Variants in CNTNAP5 observed in about 807,000 individuals in gnomAD.
The protein encoded by CNTNAP5 is contactin-associated protein-like 5.
A neutral mutation model predicts 150.2 loss-of-function variants in CNTNAP5; 72 were observed. The observed-to-expected ratio is 0.48, with a 90% CI of 0.40 to 0.58. The LOEUF (loss-of-function observed/expected upper bound fraction) is 0.58. CNTNAP5 is among the 20% of genes least tolerant of loss of function. The pLI, the probability that CNTNAP5 is intolerant of heterozygous loss-of-function variation, is 0.00. For missense variants in CNTNAP5, 1,636 were observed against 1,626.2 expected, an observed-to-expected ratio of 1.01 and a Z score of -0.10; for synonymous variants, 672 against 619.8, an observed-to-expected ratio of 1.08 and a Z score of -1.25.
Position 124,632,249 on chromosome 2 carries a change from G to A in CNTNAP5, c.1877-15509G>A, listed in dbSNP as rs4848955. ...ATTATTCTATTATAAAGTTACATGCGTGCATATGTTCAATGCAGCACTATT... is the reference window on the plus strand; with the variant it reads ...ATTATTCTATTATAAAGTTACATGCATGCATATGTTCAATGCAGCACTATT... On this transcript the variant is annotated intron_variant, in intron 12 of 23. Transcript: ENST00000682447. Among the ~76,000 whole-genome samples, 110 of 151,704 alleles carry A rather than the reference G, an allele frequency of 7.3e-4. 1 individual carries two copies. The highest frequency in any genetic ancestry group is 2.3e-3 in the African/African-American group (95 of 41,398).
At chr2:124,519,164 G>A (rs755223002) in intron 8 of CNTNAP5, among the ~76,000 whole-genome samples, 2 of 152,024 alleles carry the variant, frequency 1.3e-5, no homozygotes, top group African/African-American at 2.4e-5. Context: ...GTAGGTTAGC[G>A]GTGGTTGGCC....
At chr2:124,841,586 G>A (rs964427314) in intron 19 of CNTNAP5, among the ~76,000 whole-genome samples, 13 of 151,986 alleles carry the variant, frequency 8.6e-5, no homozygotes, top group African/African-American at 3.1e-4. Flanking sequence ...GCCTGTGGAT[G>A]TTCCCTCGCA....
At chr2:124,822,490 TC>T (rs1487434386) in intron 19 of CNTNAP5, among the ~76,000 whole-genome samples, 2 of 152,188 alleles carry the variant, frequency 1.3e-5, no homozygotes, top group Non-Finnish European at 2.9e-5. Context: ...CATGAGTTGT[TC>T]ATGAGAAAAC....
chr2:124,800,264 A>G (rs1037005149), intron 19 of CNTNAP5, among the ~76,000 whole-genome samples: 19 of 152,222 alleles, frequency 1.2e-4, no homozygotes, highest in Non-Finnish European at 2.2e-4. Context: ...TCTTTTGGGT[A>G]TAGTTCCATA....
At chr2:124,401,764 T>C (rs1207898575) in intron 3 of CNTNAP5, among the ~76,000 whole-genome samples, 1 of 152,024 alleles carries the variant, frequency 6.6e-6, no homozygotes, top group Non-Finnish European at 1.5e-5. Context: ...GATGAGAAAA[T>C]GGAATATAGA....
rs538704588 is a variant in CNTNAP5, at chr2:124,659,286, G to A, written c.2077+11328G>A. 7.2e-5 allele frequency among the ~76,000 whole-genome samples: 11 copies of A among 152,174 alleles called. No homozygotes were observed. In the South Asian group the frequency reaches 1.2e-3, roughly 17 times the overall value. ...GTGGGTTTTCTGTGTGTGTGTTTAC[G>A]TGTGTGTGTCAGATCAGATGAGGAA... is the stretch of plus-strand genomic sequence containing the variant. On this transcript the variant is annotated intron_variant, in intron 13 of 23. Coordinates refer to ENST00000682447, the MANE Select transcript of CNTNAP5 (RefSeq NM_001367498.1).
intron 1 of CNTNAP5, among the ~76,000 whole-genome samples, chr2:124,033,689 T>G (rs1450253949): frequency 6.7e-3 from 1 of 150 alleles, no homozygotes; most frequent in Non-Finnish European, 0.013. Flanking sequence ...ATGGGCCTGG[T>G]GCCACAGGGA....
intron 11 of CNTNAP5, among the ~76,000 whole-genome samples, chr2:124,564,905 G>A (rs146444661): frequency 9.1e-4 from 139 of 152,286 alleles, no homozygotes; most frequent in Middle Eastern, 3.4e-3. Context: ...TGCAGCCAAC[G>A]CCTGGAGCTC....
At chr2:124,155,079 T>C (rs1411047748) in intron 1 of CNTNAP5, among the ~76,000 whole-genome samples, 2 of 124,868 alleles carry the variant, frequency 1.6e-5, no homozygotes, top group South Asian at 4.8e-4. Flanking sequence ...ATTCCCGTTT[T>C]TTTTTTTTTT....
chr2:124,184,207 T>C (rs766328722), intron 1 of CNTNAP5, among the ~76,000 whole-genome samples: 2 of 152,084 alleles, frequency 1.3e-5, no homozygotes, highest in African/African-American at 4.8e-5. Context: ...AATTATATTA[T>C]AGGAACATTG....
At chr2:124,294,611 G>T (rs1490062732) in intron 3 of CNTNAP5, among the ~76,000 whole-genome samples, 1 of 152,162 alleles carries the variant, frequency 6.6e-6, no homozygotes, top group East Asian at 1.9e-4. Context: ...GGATGAGATG[G>T]GTACAAGAAG....
intron 6 of CNTNAP5, among the ~76,000 whole-genome samples, chr2:124,456,623 C>A (rs558186499): frequency 1.1e-4 from 16 of 152,006 alleles, no homozygotes; most frequent in African/African-American, 3.9e-4. Context: ...CAAGACTAAG[C>A]AAAAAACAAA....
chr2:124,175,101 A>G (rs1685028081), intron 1 of CNTNAP5, among the ~76,000 whole-genome samples: 1 of 152,210 alleles, frequency 6.6e-6, no homozygotes, highest in African/African-American at 2.4e-5. Flanking sequence ...GCACTAGGAA[A>G]CCAAAAAATG....
At chr2:124,706,244 GAA>G (rs142590123) in intron 13 of CNTNAP5, among the ~76,000 whole-genome samples, 2,432 of 150,338 alleles carry the variant, frequency 0.016, 78 homozygotes, top group African/African-American at 0.056. Flanking sequence ...GGTTTGAAAA[GAA>G]AAAAAAAGAC....
At chr2:124,853,070 G>A (rs1313263273) in intron 19 of CNTNAP5, among the ~76,000 whole-genome samples, 1 of 152,202 alleles carries the variant, frequency 6.6e-6, no homozygotes, top group Non-Finnish European at 1.5e-5. Context: ...GAATCAACAT[G>A]GAGAAGAGCC....
chr2:124,196,759 T>C (rs573793773), intron 1 of CNTNAP5, among the ~76,000 whole-genome samples: 13 of 152,306 alleles, frequency 8.5e-5, no homozygotes, highest in African/African-American at 3.1e-4. Flanking sequence ...AAACACACCA[T>C]GATAGTCAAA....
intron 12 of CNTNAP5, among the ~76,000 whole-genome samples, chr2:124,613,072 AAAAAT>A (rs1250000364): frequency 6.6e-6 from 1 of 152,194 alleles, no homozygotes; most frequent in East Asian, 1.9e-4. Context: ...ATAAACAAAT[AAAAAT>A]AAAATAAAAG....
chr2:124,500,375 C>T (rs1410616252), intron 7 of CNTNAP5, among the ~76,000 whole-genome samples: 1 of 152,048 alleles, frequency 6.6e-6, no homozygotes, highest in East Asian at 1.9e-4. Context: ...AGATTGGGCT[C>T]AGCTCTGAAT....
At chr2:124,307,380 T>G (rs948038194) in intron 3 of CNTNAP5, among the ~76,000 whole-genome samples, 1 of 152,136 alleles carries the variant, frequency 6.6e-6, no homozygotes, top group African/African-American at 2.4e-5. Context: ...ACCATTACAC[T>G]GGGGATTAGA....
Sources: gnomAD v4.1 joint callset for allele counts (sites outside exome capture counted in the v4.1 genomes callset) on GRCh38, gnomAD v4.1.1 for gene constraint, MANE v1.5 for transcripts, NCBI Gene and HGNC (gene_info 2026-07-23, HGNC 2026-07-21) for gene names.